The following KANSL1L variants were observed in gnomAD, a reference collection of about 807,000 sequenced individuals.
KANSL1L encodes the protein KAT8 regulatory NSL complex subunit 1-like protein.
Under a neutral mutation model 108.6 loss-of-function variants are expected in KANSL1L, and 25 were observed. The observed-to-expected ratio is 0.23, with a 90% CI of 0.17 to 0.32. The LOEUF is 0.32. KANSL1L is among the 10% of genes least tolerant of loss of function. KANSL1L has a pLI of 1.00. For missense variants in KANSL1L, 1,137 were observed against 1,125.7 expected (o/e 1.01, Z -0.14); for synonymous variants, 405 against 395.1 (o/e 1.03, Z -0.30).
chr2:210,106,492 G>A (rs12105657), intron 3 of KANSL1L, among the ~76,000 whole-genome samples: 1,584 of 151,576 alleles, frequency 0.01, 24 homozygotes, highest in African/African-American at 0.034. Flanking sequence ...AGGGAGGCAG[G>A]GCATGGTGGT....
At chr2:210,161,371 C>G (rs2095360472) in intron 1 of KANSL1L, among the ~76,000 whole-genome samples, 1 of 151,614 alleles carries the variant, frequency 6.6e-6, no homozygotes, top group Non-Finnish European at 1.5e-5. Context: ...AATTGGACAT[C>G]CATAGGGAAA....
intron 3 of KANSL1L, among the ~76,000 whole-genome samples, chr2:210,112,291 T>C (rs2094914187): frequency 1.3e-5 from 2 of 152,098 alleles, no homozygotes; most frequent in South Asian, 4.1e-4. Context: ...TGGCTAGCCA[T>C]ATGTAGAAAA....
chr2:210,140,433 C>T (rs111734834), intron 2 of KANSL1L, among the ~76,000 whole-genome samples: 4 of 152,096 alleles, frequency 2.6e-5, no homozygotes, highest in South Asian at 2.1e-4. Flanking sequence ...ATTGTGTGCC[C>T]GTGGCATCTT....
intron 6 of KANSL1L, among the ~76,000 whole-genome samples, chr2:210,060,849 A>C (rs562890755): frequency 2.6e-4 from 39 of 152,368 alleles, no homozygotes; most frequent in African/African-American, 8.9e-4. Context: ...TCCTGCAAAT[A>C]AAGTTTCATT....
chr2:210,071,326 G>A (rs142034133), intron 6 of KANSL1L, among the ~76,000 whole-genome samples: 2,218 of 151,560 alleles, frequency 0.015, 41 homozygotes, highest in African/African-American at 0.051. Context: ...GGAGTGCAGT[G>A]GCATGATCTC....
intron 10 of KANSL1L, 58 bp downstream of exon 10, chr2:210,029,745 A>C: frequency 2.4e-6 from 2 of 830,890 alleles, no homozygotes; most frequent in Non-Finnish European, 3.9e-6. Context: ...ATTATTTTCA[A>C]AATCAGGTGT....
chr2:210,075,609 C>A lies in KANSL1L; in HGVS notation c.1698G>T (p.Gln566His). 1 of 1,614,088 alleles carries A rather than the reference C, an allele frequency of 6.2e-7. No individual in the cohort carries two copies. The highest frequency in any genetic ancestry group is 8.5e-7 in the Non-Finnish European group (1 of 1,179,984). Residue 566 changes from glutamine (Q) to histidine (H), a missense_variant, in exon 6 of 15, where the codon CAG becomes CAT. Around this residue, in one of 3 missense-constraint regions of KANSL1L, gnomAD observed 575 missense variants for 567.1 expected, o/e 1.01. Transcript: ENST00000281772. ...MSTSARTRPL[Q>H]SFHKRKLYRL... ...TGTACAGTTTTCGTTTGTGGAAACTCTGAAGTGGCCTTGTTCGGGCTGATG... is the reference window on the plus strand; with the variant it reads ...TGTACAGTTTTCGTTTGTGGAAACTATGAAGTGGCCTTGTTCGGGCTGATG...
At chr2:210,071,703 C>T (rs1291729476) in intron 6 of KANSL1L, among the ~76,000 whole-genome samples, 1 of 152,122 alleles carries the variant, frequency 6.6e-6, no homozygotes, top group Non-Finnish European at 1.5e-5. Context: ...GCTGTTAGAA[C>T]GTCAATATAA....
chr2:210,098,065 A>G (rs1025109834), intron 5 of KANSL1L, 21 bp downstream of exon 5: 4 of 1,576,704 alleles, frequency 2.5e-6, no homozygotes, highest in Admixed American at 3.8e-5. Flanking sequence ...TTAAAAGCTA[A>G]GCTATTCCAT....
intron 6 of KANSL1L, among the ~76,000 whole-genome samples, chr2:210,062,575 T>C (rs2094430963): frequency 6.6e-6 from 1 of 152,154 alleles, no homozygotes; most frequent in Non-Finnish European, 1.5e-5. Flanking sequence ...GATCATGATA[T>C]GGACAATGAA....
intron 13 of KANSL1L, among the ~76,000 whole-genome samples, 166 bp from the exon 14 acceptor site, chr2:210,024,367 A>G (rs1378227111): frequency 1.3e-5 from 2 of 152,214 alleles, no homozygotes; most frequent in Non-Finnish European, 2.9e-5. Context: ...TTTCATACTC[A>G]GAGGATGAAA....
At chr2:210,033,469 C>G (rs1215695225) in intron 8 of KANSL1L, among the ~76,000 whole-genome samples, 1 of 152,174 alleles carries the variant, frequency 6.6e-6, no homozygotes, top group East Asian at 1.9e-4. Flanking sequence ...CTCTTATTTT[C>G]TACAAGCAAT....
At chr2:210,090,043 AG>A (rs776773209) in intron 5 of KANSL1L, among the ~76,000 whole-genome samples, 32 of 152,342 alleles carry the variant, frequency 2.1e-4, no homozygotes, top group Middle Eastern at 6.8e-3. Flanking sequence ...TTAAAGAGTA[AG>A]AATAGCTGAA....
intron 5 of KANSL1L, among the ~76,000 whole-genome samples, chr2:210,094,970 C>T (rs972653433): frequency 6.6e-6 from 1 of 151,946 alleles, no homozygotes; most frequent in Admixed American, 6.6e-5. Flanking sequence ...CTTGTCAAAG[C>T]TCCTCAGGCT....
chr2:210,135,395 T>C (rs956593511), intron 2 of KANSL1L, among the ~76,000 whole-genome samples: 1 of 152,178 alleles, frequency 6.6e-6, no homozygotes, highest in Non-Finnish European at 1.5e-5. Context: ...CATCCTCCTA[T>C]ACTTTTTGGA....
intron 6 of KANSL1L, among the ~76,000 whole-genome samples, chr2:210,059,292 C>A (rs1185007366): frequency 1.3e-5 from 2 of 152,216 alleles, no homozygotes; most frequent in African/African-American, 4.8e-5. Context: ...GTTGCCCCAA[C>A]CAACAGCCAG....
chr2:210,129,676 AT>A (rs1327845251), intron 2 of KANSL1L, among the ~76,000 whole-genome samples: 1 of 152,178 alleles, frequency 6.6e-6, no homozygotes, highest in Admixed American at 6.5e-5. Context: ...TATTTAAATC[AT>A]TTTTTAAAAG....
chr2:210,085,945 T>C lies in KANSL1L; in HGVS notation c.1551-10189A>G, dbSNP rs1168717110. 2.7e-5 allele frequency among the ~76,000 whole-genome samples: 4 copies of C among 150,492 alleles called. No individual in the cohort carries two copies. In the East Asian group the frequency reaches 7.7e-4, roughly 29 times the overall value. On this transcript the variant is annotated intron_variant, in intron 5 of 14. Coordinates refer to ENST00000281772, the MANE Select transcript of KANSL1L (RefSeq NM_152519.4). ...TTATTAATAATTATTATATATAATA[T>C]TGTCATTCACAGGAATCCAAAATTA...
chr2:210,064,685 GC>G (rs1357564078), intron 6 of KANSL1L, among the ~76,000 whole-genome samples: 1 of 151,736 alleles, frequency 6.6e-6, no homozygotes, highest in East Asian at 1.9e-4. Flanking sequence ...GGCAGTACAT[GC>G]TTGTACCAGC....
Sources: allele counts gnomAD v4.1 joint callset (sites outside exome capture counted in the v4.1 genomes callset), GRCh38; gene constraint gnomAD v4.1.1; regional missense constraint gnomAD v4.1.1; transcripts MANE v1.5; gene names NCBI Gene and HGNC (gene_info 2026-07-23, HGNC 2026-07-21).